Variants in NSUN6 observed in about 807,000 individuals in gnomAD.
The protein encoded by NSUN6 is tRNA (cytosine(72)-C(5))-methyltransferase NSUN6.
NSUN6 carries 64 observed loss-of-function variants against 58.0 expected under a neutral mutation model. The observed-to-expected ratio is 1.10, with a 90% CI of 0.90 to 1.36. The LOEUF is 1.36. NSUN6 is among the 40% of genes most tolerant of loss of function. The pLI, the probability that NSUN6 is intolerant of heterozygous loss-of-function variation, is 0.00. For missense variants in NSUN6, 701 were observed against 550.1 expected, an observed-to-expected ratio of 1.27 and a Z score of -2.74; for synonymous variants, 231 against 193.9, an observed-to-expected ratio of 1.19 and a Z score of -1.59.
upstream of NSUN6, chr10:18,659,256 C>G (rs911921396): frequency 3.1e-5 from 7 of 225,456 alleles, no homozygotes; most frequent in African/African-American, 1.6e-4. Flanking sequence ...AAGAAAACGC[C>G]ACGTCGAAGG....
intron 3 of NSUN6, among the ~76,000 whole-genome samples, chr10:18,618,902 C>T (rs1190953703): frequency 6.6e-6 from 1 of 151,900 alleles, no homozygotes; most frequent in African/African-American, 2.4e-5. Context: ...TTCAATTCTA[C>T]CTTTTTATCC....
upstream of NSUN6, among the ~76,000 whole-genome samples, chr10:18,655,612 T>G (rs778573495): frequency 3.3e-4 from 50 of 152,212 alleles, no homozygotes; most frequent in Middle Eastern, 6.8e-3. Context: ...TTCAGGTGTT[T>G]AGGAAATGTA....
intron 6 of NSUN6, among the ~76,000 whole-genome samples, chr10:18,603,759 G>A (rs759189623): frequency 6.6e-5 from 10 of 152,136 alleles, no homozygotes; most frequent in Non-Finnish European, 1.2e-4. Context: ...TTACAGGCGT[G>A]AGCCACCGTG....
chr10:18,648,402 G>A, intron 2 of NSUN6, 88 bp downstream of exon 2: 1 of 800,536 alleles, frequency 1.2e-6, no homozygotes, highest in East Asian at 2.5e-5. Flanking sequence ...AACTGGAAGT[G>A]TATTATATCA....
chr10:18,557,252 G>C lies in NSUN6; in HGVS notation c.923-5281C>G, dbSNP rs535285843. ...GGAATGGAGAATGGAATTGAATGCA[G>C]AATGGAATGGAATGGAGAATGCTAT... On this transcript the variant is annotated intron_variant, in intron 8 of 10. Coordinates refer to ENST00000377304, the MANE Select transcript of NSUN6 (RefSeq NM_182543.5). Among the ~76,000 whole-genome samples the C allele has an allele frequency of 2.0e-5, 3 of 151,716 alleles. No individual in the cohort carries two copies. In the South Asian group the frequency reaches 6.2e-4, roughly 32 times the overall value.
intron 3 of NSUN6, 22 bp from the exon 4 acceptor site, chr10:18,616,315 A>G (rs371999865): frequency 7.0e-7 from 1 of 1,424,914 alleles, no homozygotes. Context: ...AGACACAAGA[A>G]GTTTAATAGT....
At chr10:18,626,908 G>A (rs1321246286) in intron 3 of NSUN6, among the ~76,000 whole-genome samples, 2 of 152,230 alleles carry the variant, frequency 1.3e-5, no homozygotes, top group Non-Finnish European at 2.9e-5. Flanking sequence ...GTTCTGGCCT[G>A]CTTGAACTAT....
At chr10:18,596,405 C>T (rs965436128) in intron 6 of NSUN6, 78 bp from the exon 7 acceptor site, 10 of 948,100 alleles carry the variant, frequency 1.1e-5, no homozygotes, top group Non-Finnish European at 1.7e-5. Context: ...TATAAAGAAC[C>T]CTTTGGGGGT....
At chr10:18,565,768 A>C (rs1447212708) in intron 8 of NSUN6, among the ~76,000 whole-genome samples, 2 of 138,014 alleles carry the variant, frequency 1.4e-5, no homozygotes, top group Non-Finnish European at 3.1e-5. Context: ...ATTCCATTCC[A>C]TCCTCCCTTT....
chr10:18,559,034 G>A (rs1177259614), intron 8 of NSUN6, among the ~76,000 whole-genome samples: 1 of 150,430 alleles, frequency 6.6e-6, no homozygotes, highest in Non-Finnish European at 1.5e-5. Context: ...TGAATAGAAT[G>A]GAGTGAAGAA....
rs774440542 is a variant in NSUN6 at position 18,586,076 on chromosome 10, C to T, written c.795G>A (p.Leu265=). Residue 265 remains leucine, a synonymous_variant, in exon 8 of 11, where the codon CTG becomes CTA. Coordinates refer to ENST00000377304, the MANE Select transcript of NSUN6 (RefSeq NM_182543.5). The part of the protein sequence containing the change: ...LMHDQGEVIA[L]DKIFNKVEKI... Reference sequence around the variant, plus strand: ...TTTCTACTTTGTTGAAGATTTTATCCAGTGCTATAACTTCTCCCTAAAAAG... The same window carrying T: ...TTTCTACTTTGTTGAAGATTTTATCTAGTGCTATAACTTCTCCCTAAAAAG... 1.2e-6 allele frequency: 2 copies of T among 1,602,110 alleles called. No individual in the cohort carries two copies. Among genetic ancestry groups the T allele is most frequent in the Non-Finnish European group, 1.7e-6 (2 of 1,175,072 alleles).
intron 7 of NSUN6, among the ~76,000 whole-genome samples, chr10:18,595,774 T>G (rs993898676): frequency 2.0e-5 from 3 of 152,196 alleles, no homozygotes; most frequent in Non-Finnish European, 4.4e-5. Context: ...CTTCAAATAG[T>G]AAATATTCTA....
At chr10:18,603,758 T>G (rs2057942031) in intron 6 of NSUN6, among the ~76,000 whole-genome samples, 1 of 152,112 alleles carries the variant, frequency 6.6e-6, no homozygotes, top group African/African-American at 2.4e-5. Context: ...ATTACAGGCG[T>G]GAGCCACCGT....
chr10:18,603,256 G>A (rs1402936887), intron 6 of NSUN6, among the ~76,000 whole-genome samples: 7 of 152,068 alleles, frequency 4.6e-5, no homozygotes, highest in Non-Finnish European at 8.8e-5. Flanking sequence ...TTATGCCACT[G>A]TCTCAAAAAA....
chr10:18,574,198 C>G (rs529535186), intron 8 of NSUN6, among the ~76,000 whole-genome samples: 28 of 152,104 alleles, frequency 1.8e-4, no homozygotes, highest in Non-Finnish European at 7.4e-5. Context: ...GCATCCAGTC[C>G]AACACGGCTA....
Position 18,616,267 on chromosome 10 carries a change from T to G in NSUN6, c.338A>C (p.Glu113Ala), listed in dbSNP as rs2058406520. ...PRKNIKKQQC[E>A]AIVGAQCGNA... ...GCCACACTGGGCTCCAACAATGGCT[T>G]CACACTGTTGTTTTTTAATATTCTT... Residue 113 changes from glutamate to alanine, a missense_variant, in exon 4 of 11, where the codon GAA becomes GCA. Transcript: ENST00000377304. The G allele has an allele frequency of 1.9e-6, 3 of 1,608,986 alleles. No homozygotes were observed. Among genetic ancestry groups the G allele is most frequent in the Non-Finnish European group, 2.6e-6 (3 of 1,175,410 alleles).
chr10:18,576,965 T>C (rs1257302140), intron 8 of NSUN6, among the ~76,000 whole-genome samples: 1 of 152,266 alleles, frequency 6.6e-6, no homozygotes, highest in African/African-American at 2.4e-5. Flanking sequence ...TTAGACGCAA[T>C]TGGAGTCTCA....
intron 7 of NSUN6, among the ~76,000 whole-genome samples, 163 bp from the exon 8 acceptor site, chr10:18,586,256 G>C (rs756023486): frequency 1.3e-5 from 2 of 152,198 alleles, no homozygotes; most frequent in Admixed American, 1.3e-4. Context: ...GTATGTGTCT[G>C]GAATTTATTC....
At chr10:18,611,423 G>A (rs1274294159) in intron 5 of NSUN6, among the ~76,000 whole-genome samples, 1 of 151,958 alleles carries the variant, frequency 6.6e-6, no homozygotes, top group Non-Finnish European at 1.5e-5. Flanking sequence ...TCTAATGTTG[G>A]CAGGATAAGT....
Sources: allele counts gnomAD v4.1 joint callset (sites outside exome capture counted in the v4.1 genomes callset), GRCh38; gene constraint gnomAD v4.1.1; transcripts MANE v1.5; gene names NCBI Gene and HGNC (gene_info 2026-07-23, HGNC 2026-07-21).